The following STK33 variants were observed in gnomAD, a reference collection of about 807,000 sequenced individuals.
STK33 encodes serine/threonine kinase 33.
In STK33, 52 loss-of-function variants were observed where a neutral mutation model predicts 58.0. The observed-to-expected ratio is 0.90, with a 90% CI of 0.72 to 1.13. The LOEUF (loss-of-function observed/expected upper bound fraction) is 1.13. STK33 is among the 50% of genes most tolerant of loss of function. The probability of loss-of-function intolerance (pLI) is 0.00; values close to 1 mark genes in which losing one functional copy is unlikely to be tolerated. For synonymous variants in STK33, 215 were observed against 200.1 expected, an observed-to-expected ratio of 1.07 and a Z score of -0.63; for missense variants, 630 against 604.2, an observed-to-expected ratio of 1.04 and a Z score of -0.45.
chr11:8,345,585 G>A, the STK33 span, among the ~76,000 whole-genome samples: 3 of 152,218 alleles, frequency 2.0e-5, no homozygotes, highest in Non-Finnish European at 4.4e-5. Flanking sequence ...GGGAGTAGGG[G>A]AACGTGGCTC....
chr11:8,364,181 C>T, the STK33 span, among the ~76,000 whole-genome samples: 1 of 152,234 alleles, frequency 6.6e-6, no homozygotes, highest in Admixed American at 6.5e-5. Context: ...CACTAAGTTC[C>T]TCTGCTGCAC....
At chr11:8,364,662 G>A in the STK33 span, among the ~76,000 whole-genome samples, 76 of 152,250 alleles carry the variant, frequency 5.0e-4, no homozygotes, top group African/African-American at 1.6e-3. Context: ...TTAAACCATG[G>A]TAACTGGAAT....
chr11:8,390,419 C>T (rs1261293055), downstream of STK33, among the ~76,000 whole-genome samples: 2 of 152,186 alleles, frequency 1.3e-5, no homozygotes, highest in South Asian at 2.1e-4. Flanking sequence ...AATGGAAGAG[C>T]GCCCTTTTTT....
rs11041998 is a variant in STK33 at position 8,581,179 on chromosome 11, C to G, written c.-466+12904G>C. 2.2e-4 allele frequency among the ~76,000 whole-genome samples: 34 copies of G among 152,184 alleles called. No individual in the cohort carries two copies. In the East Asian group the frequency reaches 6.2e-3, roughly 28 times the overall value. On this transcript the variant is annotated intron_variant, in intron 1 of 15. Coordinates refer to ENST00000687296, the MANE Select transcript of STK33 (RefSeq NM_001352389.2). ...CCTTGAGCCAAACCTTAACCCAATCCCCCTCACACAGAAAGCCTTAACTCA... is the reference window on the plus strand; with the variant it reads ...CCTTGAGCCAAACCTTAACCCAATCGCCCTCACACAGAAAGCCTTAACTCA...
At chr11:8,498,387 G>A (rs936690762) in intron 1 of STK33, among the ~76,000 whole-genome samples, 6 of 152,150 alleles carry the variant, frequency 3.9e-5, no homozygotes, top group African/African-American at 4.8e-5. Flanking sequence ...TACAGGGGAT[G>A]TGAAGGACCT....
intron 1 of STK33, among the ~76,000 whole-genome samples, chr11:8,510,485 T>C (rs938355436): frequency 7.2e-5 from 11 of 152,174 alleles, no homozygotes; most frequent in African/African-American, 2.7e-4. Context: ...TTTTTGGTAG[T>C]GTGGAAGCTT....
In STK33 at chr11:8,424,526, A is replaced by G. The variant is rs1161183726; in HGVS notation, c.1147-10834T>C. 1.3e-5 allele frequency among the ~76,000 whole-genome samples: 2 copies of G among 151,898 alleles called. 1 individual carries two copies. Among genetic ancestry groups the G allele is most frequent in the Non-Finnish European group, 2.9e-5 (2 of 67,958 alleles). ...CCCAGTAATGGGATTGCTGGGTCAA[A>G]TGGTAATTCTAATTCTAGATCCCTG... On this transcript the variant is annotated intron_variant, in intron 14 of 15. Coordinates refer to ENST00000687296, the MANE Select transcript of STK33 (RefSeq NM_001352389.2).
At chr11:8,468,941 A>C (rs1446766781) in intron 6 of STK33, among the ~76,000 whole-genome samples, 1 of 152,196 alleles carries the variant, frequency 6.6e-6, no homozygotes, top group Non-Finnish European at 1.5e-5. Context: ...AATGTACACA[A>C]AATTTTAAAA....
intron 6 of STK33, chr11:8,466,314 AG>A (rs1948175389): frequency 6.6e-6 from 1 of 152,266 alleles, no homozygotes; most frequent in Non-Finnish European, 1.5e-5. Context: ...TAAAATCAAA[AG>A]CAAGTTAGTT....
the STK33 span, among the ~76,000 whole-genome samples, chr11:8,356,427 G>A: frequency 3.9e-5 from 6 of 152,244 alleles, no homozygotes; most frequent in Non-Finnish European, 5.9e-5. Flanking sequence ...CCTGCCCTGC[G>A]AGGGAGGACC....
intron 1 of STK33, among the ~76,000 whole-genome samples, chr11:8,573,855 A>C (rs777637315): frequency 6.6e-6 from 1 of 152,272 alleles, no homozygotes; most frequent in Non-Finnish European, 1.5e-5. Flanking sequence ...TTTATATAAC[A>C]TTCTTGAAAT....
At chr11:8,336,366 A>C in the STK33 span, among the ~76,000 whole-genome samples, 1 of 152,192 alleles carries the variant, frequency 6.6e-6, no homozygotes, top group African/African-American at 2.4e-5. Context: ...TAAAGCCTTG[A>C]GTGAGGAATC....
chr11:8,503,272 GAAT>G (rs1174535080), intron 1 of STK33, among the ~76,000 whole-genome samples: 9 of 152,132 alleles, frequency 5.9e-5, no homozygotes, highest in Admixed American at 1.3e-4. Context: ...ATACACCATG[GAAT>G]ACTACACAGC....
At chr11:8,449,824 G>A (rs1273262907) in intron 11 of STK33, among the ~76,000 whole-genome samples, 1 of 152,178 alleles carries the variant, frequency 6.6e-6, no homozygotes, top group African/African-American at 2.4e-5. Context: ...CTGGTCTTTA[G>A]AGAAATGCAA....
Position 8,474,966 on chromosome 11 carries a change from C to T in STK33, c.-61G>A. 6.7e-7 allele frequency: 1 copy of T among 1,482,932 alleles called. No individual in the cohort carries two copies. The highest frequency in any genetic ancestry group is 9.1e-7 in the Non-Finnish European group (1 of 1,104,722). The allele number at this position is 1,482,932 out of a possible 1,614,324, so 91.9% of individuals were successfully genotyped here. A position where few individuals can be genotyped will look rare whatever the true frequency, so the allele number is the denominator to read the frequency against. ...GTTTCCACTGTTTGAGGAAGAAAACCAGGCCAAAAAGGATAAGGTAGTTGA... is the reference window on the plus strand; with the variant it reads ...GTTTCCACTGTTTGAGGAAGAAAACTAGGCCAAAAAGGATAAGGTAGTTGA... On this transcript the variant is annotated 5_prime_UTR_variant, in exon 5 of 16. Transcript: ENST00000687296.
At chr11:8,349,450 T>C in the STK33 span, among the ~76,000 whole-genome samples, 3 of 152,202 alleles carry the variant, frequency 2.0e-5, no homozygotes, top group African/African-American at 2.4e-5. Flanking sequence ...AGGCCTCACA[T>C]GCAGGGCCCA....
intron 1 of STK33, among the ~76,000 whole-genome samples, chr11:8,593,154 T>A (rs2032878361): frequency 6.6e-6 from 1 of 152,204 alleles, no homozygotes; most frequent in Non-Finnish European, 1.5e-5. Flanking sequence ...AACAGAGATT[T>A]ACACGAGCTA....
intron 10 of STK33, among the ~76,000 whole-genome samples, chr11:8,454,116 A>G (rs952032958): frequency 4.6e-5 from 7 of 152,222 alleles, no homozygotes; most frequent in Non-Finnish European, 1.5e-5. Context: ...TGTTAAACCT[A>G]TTTCTATTAC....
At chr11:8,456,052 C>T (rs1946825225) in intron 9 of STK33, among the ~76,000 whole-genome samples, 1 of 152,044 alleles carries the variant, frequency 6.6e-6, no homozygotes, top group African/African-American at 2.4e-5. Flanking sequence ...CTCCCTGCTG[C>T]CTCCATTGTT....
Sources: allele counts gnomAD v4.1 joint callset (sites outside exome capture counted in the v4.1 genomes callset), GRCh38; gene constraint gnomAD v4.1.1; transcripts MANE v1.5; gene names NCBI Gene and HGNC (gene_info 2026-07-23, HGNC 2026-07-21).